EIF2AK3: variants seen among roughly 807,000 people sequenced by gnomAD.
The protein encoded by EIF2AK3 is eukaryotic translation initiation factor 2-alpha kinase 3.
EIF2AK3 carries 50 observed loss-of-function variants against 113.5 expected under a neutral mutation model. The ratio of observed to expected loss-of-function variants is 0.44; its 90% confidence interval spans 0.35 to 0.56. The LOEUF is 0.56. EIF2AK3 is among the 20% of genes least tolerant of loss of function. The pLI is 0.00. For synonymous variants in EIF2AK3, 448 were observed against 495.4 expected, an observed-to-expected ratio of 0.90 and a Z score of 1.27; for missense variants, 1,185 against 1,378.0, an observed-to-expected ratio of 0.86 and a Z score of 2.22.
chr2:88,621,554 G>A (rs963465964), intron 1 of EIF2AK3, among the ~76,000 whole-genome samples: 3 of 152,334 alleles, frequency 2.0e-5, no homozygotes, highest in Middle Eastern at 3.4e-3. Context: ...GCGTAGCTGA[G>A]AATCCTTTGC....
intron 10 of EIF2AK3, among the ~76,000 whole-genome samples, chr2:88,582,405 T>C (rs965853757): frequency 2.0e-5 from 3 of 152,122 alleles, no homozygotes; most frequent in Non-Finnish European, 4.4e-5. Context: ...TCCCAGACCC[T>C]TCAGGACTGT....
chr2:88,573,138 C>G (rs973340391), intron 13 of EIF2AK3, among the ~76,000 whole-genome samples: 30 of 145,120 alleles, frequency 2.1e-4, no homozygotes, highest in Non-Finnish European at 3.1e-4. Flanking sequence ...TTGGGGGTGG[C>G]GCACTAGAAA....
chr2:88,573,114 T>A, intron 13 of EIF2AK3, among the ~76,000 whole-genome samples: 1 of 151,098 alleles, frequency 6.6e-6, no homozygotes, highest in African/African-American at 2.5e-5. Flanking sequence ...TCTTGGCTTT[T>A]TTTTTTTTTT....
Position 88,607,347 on chromosome 2 carries a change from A to G in EIF2AK3, c.438+6377T>C, listed in dbSNP as rs964929090. On this transcript the variant is annotated intron_variant, in intron 2 of 16. Coordinates refer to ENST00000303236, the MANE Select transcript of EIF2AK3 (RefSeq NM_004836.7). ...ATCAGATTTCACATCTGAAAATTAA[A>G]AACAAAATTCTTAGCTACTATTAAC... Among the ~76,000 whole-genome samples, 7 of 152,214 alleles carry G rather than the reference A, an allele frequency of 4.6e-5. No individual in the cohort carries two copies. In the East Asian group the frequency reaches 1.2e-3, roughly 25 times the overall value.
At chr2:88,558,749 TC>T (rs1395652536) in intron 16 of EIF2AK3, among the ~76,000 whole-genome samples, 167 bp downstream of exon 16, 13 of 152,222 alleles carry the variant, frequency 8.5e-5, no homozygotes, top group Non-Finnish European at 1.8e-4. Context: ...AGGCCCCAGC[TC>T]CAGTGTTTGG....
chr2:88,585,170 AG>A (rs1674689038), intron 9 of EIF2AK3, among the ~76,000 whole-genome samples: 1 of 152,144 alleles, frequency 6.6e-6, no homozygotes, highest in Non-Finnish European at 1.5e-5. Flanking sequence ...TGACACATAG[AG>A]AAGAAGAAAA....
At chr2:88,580,746 A>C (rs1009114397) in intron 10 of EIF2AK3, among the ~76,000 whole-genome samples, 3 of 152,226 alleles carry the variant, frequency 2.0e-5, no homozygotes, top group African/African-American at 7.2e-5. Flanking sequence ...GACTTACATT[A>C]TGACTTACAT....
At position 88,575,226 on chromosome 2, in the gene EIF2AK3, C is replaced by T. The variant is rs1674425176; in HGVS notation, c.2257G>A (p.Glu753Lys). 1.2e-6 allele frequency: 2 copies of T among 1,612,734 alleles called. No individual in the cohort carries two copies. The highest frequency in any genetic ancestry group is 1.7e-6 in the Non-Finnish European group (2 of 1,179,116). Residue 753 changes from glutamate to lysine, a missense_variant, in exon 13 of 17, where the codon GAG becomes AAG. Glu to Lys is a moderately conservative substitution (Grantham distance 56, BLOSUM62 1). Around this residue, in one of 3 missense-constraint regions of EIF2AK3, gnomAD observed 877 missense variants for 1,024.2 expected, o/e 0.86. Transcript: ENST00000303236. ...AGGTTGTATGCTGCATCCACTGACT[C>T]ACTGATGTCCTCATGGTCCATTCCT... ...FSGMDHEDIS[E>K]SVDAAYNLQD...
Position 88,586,078 on chromosome 2 carries a change from T to C in EIF2AK3, c.1430-17A>G, listed in dbSNP as rs1402768943. 1 of 1,607,430 alleles carries C rather than the reference T, an allele frequency of 6.2e-7. No homozygotes were observed. Among genetic ancestry groups the C allele is most frequent in the East Asian group, 2.2e-5 (1 of 44,804 alleles). On this transcript the variant is annotated splice_polypyrimidine_tract_variant and intron_variant, in intron 8 of 16. Coordinates refer to ENST00000303236, the MANE Select transcript of EIF2AK3 (RefSeq NM_004836.7). ...AACCATTATCTTCAAATAGAAACAT[T>C]AAAACGTTTTTTTTAAAGGTAATCA...
At chr2:88,576,818 AAG>A in intron 11 of EIF2AK3, 115 bp from the exon 12 acceptor site, 1 of 1,154,896 alleles carries the variant, frequency 8.7e-7, no homozygotes, top group Non-Finnish European at 1.2e-6. Context: ...ACCAATAAAA[AAG>A]GAAAATTAAA....
rs1445991599 is a variant in EIF2AK3, at chr2:88,582,123, GT to G, written c.1763+1306del. Among the ~76,000 whole-genome samples, 8 of 152,254 alleles carry G rather than the reference GT, an allele frequency of 5.3e-5. No individual in the cohort carries two copies. In the East Asian group the frequency reaches 1.5e-3, roughly 29 times the overall value. ...ATGTTCGGCAGGCCTAGAGGTCTTTGTCTAAGGGAGAGGAACACTTCCACCA... is the reference window on the plus strand; with the variant it reads ...ATGTTCGGCAGGCCTAGAGGTCTTTGCTAAGGGAGAGGAACACTTCCACCA... On this transcript the variant is annotated intron_variant, in intron 10 of 16. Transcript: ENST00000303236.
intron 2 of EIF2AK3, among the ~76,000 whole-genome samples, chr2:88,602,354 AG>A (rs1675171300): frequency 6.6e-6 from 1 of 152,202 alleles, no homozygotes; most frequent in Non-Finnish European, 1.5e-5. Flanking sequence ...TTCCCTAACC[AG>A]GAACACACTG....
chr2:88,603,638 T>C (rs370114373), intron 2 of EIF2AK3, among the ~76,000 whole-genome samples: 6 of 152,222 alleles, frequency 3.9e-5, no homozygotes, highest in East Asian at 1.9e-4. Context: ...AAATCTATCA[T>C]TGAAACACTT....
At chr2:88,590,416 A>G (rs993183664) in intron 6 of EIF2AK3, 27 bp downstream of exon 6, 3 of 1,612,016 alleles carry the variant, frequency 1.9e-6, no homozygotes, top group Admixed American at 1.7e-5. Flanking sequence ...AATGTGTACT[A>G]TCGTTAGATA....
chr2:88,607,364 A>T (rs1675303817), intron 2 of EIF2AK3, among the ~76,000 whole-genome samples: 1 of 152,348 alleles, frequency 6.6e-6, no homozygotes, highest in Non-Finnish European at 1.5e-5. Context: ...ATTCTTAGCT[A>T]CTATTAACTG....
intron 2 of EIF2AK3, among the ~76,000 whole-genome samples, chr2:88,601,264 T>G (rs1283912487): frequency 6.6e-6 from 1 of 152,256 alleles, no homozygotes; most frequent in Admixed American, 6.5e-5. Context: ...ACAGTCAGGA[T>G]TCTACATGTC....
At chr2:88,583,600 C>T (rs918553916) in intron 9 of EIF2AK3, 58 bp from the exon 10 acceptor site, 2 of 1,202,420 alleles carry the variant, frequency 1.7e-6, no homozygotes, top group South Asian at 2.5e-5. Flanking sequence ...AGTTAGCTAA[C>T]AATTTTAGGT....
intron 2 of EIF2AK3, among the ~76,000 whole-genome samples, chr2:88,608,641 G>A (rs1188103330): frequency 6.7e-6 from 1 of 149,564 alleles, no homozygotes; most frequent in African/African-American, 2.5e-5. Flanking sequence ...GATGCATTTT[G>A]AAGGTAGTAT....
intron 1 of EIF2AK3, among the ~76,000 whole-genome samples, chr2:88,624,270 G>A (rs953307041): frequency 3.9e-4 from 60 of 152,288 alleles, no homozygotes; most frequent in Middle Eastern, 6.8e-3. Context: ...TGGGATAACA[G>A]GCTGAGCCAA....
Sources: allele counts gnomAD v4.1 joint callset (sites outside exome capture counted in the v4.1 genomes callset), GRCh38; gene constraint gnomAD v4.1.1; regional missense constraint gnomAD v4.1.1; transcripts MANE v1.5; gene names NCBI Gene and HGNC (gene_info 2026-07-23, HGNC 2026-07-21).